The following MIPEP variants were observed in gnomAD, a reference collection of about 807,000 sequenced individuals.
The protein encoded by MIPEP is mitochondrial intermediate peptidase.
In MIPEP, 79 loss-of-function variants were observed where a neutral mutation model predicts 90.3. The ratio of observed to expected loss-of-function variants is 0.87; its 90% CI spans 0.73 to 1.05. MIPEP has a LOEUF of 1.05. Ranked by LOEUF, MIPEP falls within the 50% of genes least tolerant of loss-of-function variation. The pLI is 0.00. For synonymous variants in MIPEP, 334 were observed against 315.8 expected (o/e 1.06, Z -0.61); for missense variants, 940 against 905.6 (o/e 1.04, Z -0.49).
At chr13:23,825,115 G>C (rs1283275374) in intron 14 of MIPEP, among the ~76,000 whole-genome samples, 1 of 152,204 alleles carries the variant, frequency 6.6e-6, no homozygotes, top group Non-Finnish European at 1.5e-5. Flanking sequence ...TAAAGGAGCA[G>C]AAAAGTCTCA....
At chr13:23,746,329 A>G (rs893204848) in intron 18 of MIPEP, among the ~76,000 whole-genome samples, 1 of 151,928 alleles carries the variant, frequency 6.6e-6, no homozygotes, top group Non-Finnish European at 1.5e-5. Context: ...AGTTTTAACC[A>G]TAAGTTAAGA....
At chr13:23,883,181 T>C (rs1566028946) in intron 2 of MIPEP, among the ~76,000 whole-genome samples, 1 of 152,154 alleles carries the variant, frequency 6.6e-6, no homozygotes. Context: ...GGTTCTTTTA[T>C]ACCCAGAGAA....
chr13:23,832,286 T>A (rs1293818109), intron 14 of MIPEP, among the ~76,000 whole-genome samples: 1 of 151,784 alleles, frequency 6.6e-6, no homozygotes, highest in Non-Finnish European at 1.5e-5. Flanking sequence ...CTCTGCAGAG[T>A]CCCCACCAGT....
intron 15 of MIPEP, among the ~76,000 whole-genome samples, chr13:23,809,224 A>G (rs1953145006): frequency 6.6e-6 from 1 of 152,214 alleles, no homozygotes; most frequent in African/African-American, 2.4e-5. Context: ...AAAGATACAA[A>G]ATGAATAAAC....
intron 2 of MIPEP, among the ~76,000 whole-genome samples, chr13:23,885,599 A>T (rs1871442782): frequency 6.6e-6 from 1 of 152,132 alleles, no homozygotes; most frequent in African/African-American, 2.4e-5. Context: ...AAAATAAAAA[A>T]AAAAGAAAAT....
intron 16 of MIPEP, among the ~76,000 whole-genome samples, chr13:23,777,037 C>T (rs980464499): frequency 3.9e-5 from 6 of 152,022 alleles, no homozygotes; most frequent in Admixed American, 3.9e-4. Flanking sequence ...GTAAACAGTT[C>T]AAGGACAGAT....
At chr13:23,763,603 C>T (rs1952568383) in intron 16 of MIPEP, among the ~76,000 whole-genome samples, 1 of 152,132 alleles carries the variant, frequency 6.6e-6, no homozygotes, top group African/African-American at 2.4e-5. Flanking sequence ...TTCATCAGCT[C>T]ATAACTGAGT....
intron 2 of MIPEP, among the ~76,000 whole-genome samples, chr13:23,885,244 T>C (rs1360926342): frequency 6.6e-6 from 1 of 152,018 alleles, no homozygotes; most frequent in Non-Finnish European, 1.5e-5. Flanking sequence ...TAAAAATAGA[T>C]ACAACTGAAT....
intron 10 of MIPEP, among the ~76,000 whole-genome samples, chr13:23,850,664 A>G (rs1869760792): frequency 6.6e-6 from 1 of 152,230 alleles, no homozygotes. Context: ...AGATGACACC[A>G]CACCAATGTG....
chr13:23,841,187 C>A, intron 11 of MIPEP, 148 bp downstream of exon 11: 1 of 657,750 alleles, frequency 1.5e-6, no homozygotes, highest in Non-Finnish European at 2.5e-6. Flanking sequence ...ATCAGAAGTG[C>A]AATTTGGATT....
chr13:23,740,818 AG>A (rs1325155283), intron 18 of MIPEP, among the ~76,000 whole-genome samples: 13 of 152,212 alleles, frequency 8.5e-5, no homozygotes, highest in Admixed American at 6.5e-5. Context: ...TGAGGGGGAT[AG>A]GAAGATGCAC....
At chr13:23,873,403 G>A (rs1029665412) in intron 5 of MIPEP, among the ~76,000 whole-genome samples, 5 of 152,172 alleles carry the variant, frequency 3.3e-5, no homozygotes, top group Admixed American at 6.5e-5. Context: ...TGACCAGCAG[G>A]ATGGTGACAT....
intron 17 of MIPEP, among the ~76,000 whole-genome samples, chr13:23,758,455 G>A (rs553249461): frequency 6.6e-6 from 1 of 152,262 alleles, no homozygotes; most frequent in Admixed American, 6.5e-5. Context: ...ACATAAACAA[G>A]ATATAAATAT....
At chr13:23,749,042 CAGA>C (rs2138501392) in intron 18 of MIPEP, among the ~76,000 whole-genome samples, 1 of 152,362 alleles carries the variant, frequency 6.6e-6, no homozygotes, top group Admixed American at 6.5e-5. Context: ...AGAGATTGAT[CAGA>C]TTACATAAAT....
chr13:23,860,248 G>C (rs1185909750), intron 9 of MIPEP, among the ~76,000 whole-genome samples: 1 of 152,214 alleles, frequency 6.6e-6, no homozygotes, highest in African/African-American at 2.4e-5. Flanking sequence ...AGCCTGAATT[G>C]AGTTTTATGA....
At chr13:23,734,898 C>T (rs891079661) in intron 18 of MIPEP, among the ~76,000 whole-genome samples, 5 of 152,126 alleles carry the variant, frequency 3.3e-5, no homozygotes, top group African/African-American at 1.2e-4. Context: ...TTTTAAAGCA[C>T]GTCTGGAAAA....
chr13:23,731,582 G>C (rs1318017634), intron 18 of MIPEP, among the ~76,000 whole-genome samples: 1 of 152,030 alleles, frequency 6.6e-6, no homozygotes, highest in Non-Finnish European at 1.5e-5. Context: ...CCCTGAAGTA[G>C]GTATAGTTTC....
intron 10 of MIPEP, among the ~76,000 whole-genome samples, chr13:23,856,175 A>C (rs1870037352): frequency 6.6e-6 from 1 of 152,210 alleles, no homozygotes. Flanking sequence ...AGCACAGCGG[A>C]GCCAGGAGCT....
At chr13:23,846,863 A>C (rs1475360064) in intron 10 of MIPEP, among the ~76,000 whole-genome samples, 1 of 152,068 alleles carries the variant, frequency 6.6e-6, no homozygotes, top group Non-Finnish European at 1.5e-5. Flanking sequence ...GGTAACTAAC[A>C]TTTGGTGAGT....
Sources: gnomAD v4.1 joint callset for allele counts (sites outside exome capture counted in the v4.1 genomes callset) on GRCh38, gnomAD v4.1.1 for gene constraint, MANE v1.5 for transcripts, NCBI Gene and HGNC (gene_info 2026-07-23, HGNC 2026-07-21) for gene names.